The following CUL4B variants were observed in gnomAD, a reference collection of about 807,000 sequenced individuals.
CUL4B encodes the protein cullin-4B.
In CUL4B, 1 loss-of-function variant was observed where a neutral mutation model predicts 69.2. That is an observed-to-expected ratio of 0.01 (90% CI 0.01 to 0.07). The LOEUF is 0.07. Among genes scored for constraint, CUL4B ranks in the 10% least tolerant of loss-of-function variants. CUL4B has a pLI of 1.00. For missense variants in CUL4B, 328 were observed against 638.8 expected, an observed-to-expected ratio of 0.51 and a Z score of 5.24; for synonymous variants, 237 against 223.2, an observed-to-expected ratio of 1.06 and a Z score of -0.55.
chrX:120,551,852 G>T lies in CUL4B; in HGVS notation c.673-4613C>A, dbSNP rs183097025. On this transcript the variant is annotated intron_variant, in intron 2 of 19. Coordinates refer to ENST00000371322, the MANE Select transcript of CUL4B (RefSeq NM_001079872.2). ...ACTAAGTGCTTTCCATAACCCCAAG[G>T]TATCAGTCCAGTTTTGGACACAGTA... 9.9e-5 allele frequency among the ~76,000 whole-genome samples: 11 copies of T among 111,158 alleles called. No individual in the cohort carries two copies. The East Asian group carries it at 3.1e-3, about 31-fold the overall frequency.
intron 18 of CUL4B, 62 bp downstream of exon 18, chrX:120,532,360 A>G (rs1923369411): frequency 7.7e-6 from 7 of 909,297 alleles, no homozygotes; most frequent in Middle Eastern, 3.7e-4. Flanking sequence ...ATCTTTATAT[A>G]TTTTGATTAT....
rs191126833 is a variant in CUL4B at position 120,526,666 on chromosome X, T to C, written c.*95A>G. 1.8e-6 allele frequency: 1 copy of C among 559,352 alleles called. No individual in the cohort carries two copies. The highest frequency in any genetic ancestry group is 2.3e-5 in the African/African-American group (1 of 44,322). 46.1% of individuals were successfully genotyped at this position (559,352 alleles called of 1,213,427 possible). On this transcript the variant is annotated 3_prime_UTR_variant, in exon 20 of 20. Transcript: ENST00000371322. ...TTAATTACACTGCTTCATTTGGTCA[T>C]CGGTAGTAAAAAAGGAGTCAAATAA...
intron 9 of CUL4B, 41 bp downstream of exon 9, chrX:120,542,925 C>T (rs1446272811): frequency 9.9e-7 from 1 of 1,006,863 alleles, no homozygotes; most frequent in African/African-American, 1.9e-5. Context: ...TTTGCCACTA[C>T]CATTTAAAAA....
chrX:120,557,186 C>T (rs1413246973), intron 2 of CUL4B, among the ~76,000 whole-genome samples: 1 of 111,574 alleles, frequency 9.0e-6, no homozygotes, highest in East Asian at 2.8e-4. Flanking sequence ...GCTGGGATTA[C>T]AGGTGTGAGC....
At chrX:120,533,028 T>C (rs937333245) in intron 17 of CUL4B, among the ~76,000 whole-genome samples, 3 of 112,598 alleles carry the variant, frequency 2.7e-5, no homozygotes, top group Non-Finnish European at 3.7e-5. Flanking sequence ...CTATCAACTG[T>C]AGTTACGTCC....
chrX:120,534,943 A>G (rs1923565514), intron 16 of CUL4B, among the ~76,000 whole-genome samples: 4 of 112,203 alleles, frequency 3.6e-5, no homozygotes, highest in African/African-American at 1.3e-4. Flanking sequence ...TTAGTCATGA[A>G]AAGCTAAAGT....
chrX:120,536,243 A>G (rs1475689248), intron 15 of CUL4B, among the ~76,000 whole-genome samples: 3 of 112,665 alleles, frequency 2.7e-5, no homozygotes, highest in Non-Finnish European at 5.6e-5. Context: ...TTGCTTCTGC[A>G]TTGGTTTCCT....
intron 2 of CUL4B, among the ~76,000 whole-genome samples, chrX:120,548,046 C>T (rs1233943048): frequency 9.0e-6 from 1 of 110,623 alleles, no homozygotes; most frequent in Non-Finnish European, 1.9e-5. Flanking sequence ...CCTACTAGTT[C>T]TGTAGTTCTG....
chrX:120,530,608 G>A (rs1245733520), intron 18 of CUL4B, among the ~76,000 whole-genome samples: 1 of 112,171 alleles, frequency 8.9e-6, no homozygotes, highest in African/African-American at 3.2e-5. Context: ...TCAATGGATT[G>A]TTAACCAGAT....
chrX:120,554,261 T>C (rs1240520171), intron 2 of CUL4B, among the ~76,000 whole-genome samples: 3 of 112,191 alleles, frequency 2.7e-5, no homozygotes, highest in Non-Finnish European at 5.6e-5. Context: ...TCTCACCATC[T>C]TGTAAATGAG....
intron 2 of CUL4B, among the ~76,000 whole-genome samples, chrX:120,554,686 A>G: frequency 8.9e-6 from 1 of 112,416 alleles, no homozygotes; most frequent in Non-Finnish European, 1.9e-5. Context: ...TTCTAAGCAG[A>G]TATATGCCAG....
Position 120,560,782 on chromosome X carries a change from AG to A in CUL4B, c.-145del, listed in dbSNP as rs770054334. 82 of 174,314 alleles carry A rather than the reference AG, an allele frequency of 4.7e-4. No homozygotes were observed. Among genetic ancestry groups the A allele is most frequent in the East Asian group, 1.4e-3 (4 of 2,910 alleles). 14.4% of individuals were successfully genotyped at this position (174,314 alleles called of 1,213,427 possible). ...ACACAGAGGACGAGAAGGAAAGTGA[AG>A]GGGGGGGCTACACCGGGGGAATGGG... On this transcript the variant is annotated 5_prime_UTR_variant, in exon 1 of 20. Transcript: ENST00000371322.
At chrX:120,537,165 T>C in intron 14 of CUL4B, 131 bp from the exon 15 acceptor site, 1 of 511,553 alleles carries the variant, frequency 2.0e-6, no homozygotes, top group Non-Finnish European at 3.4e-6. Context: ...AAAAGGCAAC[T>C]ATTAAGAAGA....
At chrX:120,561,271 C>G (rs1162029514), upstream of CUL4B, 1 of 523,476 alleles carries the variant, frequency 1.9e-6, no homozygotes, top group African/African-American at 2.3e-5. Context: ...CTCCCCTTCG[C>G]GATCCCCTTT....
chrX:120,566,345 GTA>G (rs537274243), upstream of CUL4B, among the ~76,000 whole-genome samples: 2,469 of 40,418 alleles, frequency 0.061, 69 homozygotes, highest in Middle Eastern at 0.077. Flanking sequence ...GTGTGTATAG[GTA>G]TATATATATA....
downstream of CUL4B, among the ~76,000 whole-genome samples, chrX:120,566,823 G>C (rs1195926048): frequency 9.0e-6 from 1 of 111,490 alleles, no homozygotes; most frequent in African/African-American, 3.3e-5. Flanking sequence ...TGAACCATCT[G>C]GAAAGCAGAT....
Position 120,560,792 on chromosome X carries a change from T to A in CUL4B, c.-154A>T. 3 of 130,523 alleles carry A rather than the reference T, an allele frequency of 2.3e-5. No individual in the cohort carries two copies. The highest frequency in any genetic ancestry group is 2.3e-5 in the Non-Finnish European group (2 of 85,492). The allele number at this position is 130,523 out of a possible 1,213,427, so 10.8% of individuals were successfully genotyped here. On this transcript the variant is annotated 5_prime_UTR_variant, in exon 1 of 20. Transcript: ENST00000371322. ...CGAGAAGGAAAGTGAAGGGGGGGGC[T>A]ACACCGGGGGAATGGGAGGGTTTGG...
At chrX:120,532,681 C>T (rs1458514612) in intron 17 of CUL4B, 87 bp from the exon 18 acceptor site, 8 of 822,503 alleles carry the variant, frequency 9.7e-6, no homozygotes, top group East Asian at 6.3e-5. Flanking sequence ...CTCCATCCCC[C>T]TATTAAAACT....
intron 6 of CUL4B, 37 bp downstream of exon 6, chrX:120,544,444 A>G: frequency 1.7e-6 from 2 of 1,196,368 alleles, no homozygotes; most frequent in Non-Finnish European, 2.3e-6. Context: ...CTAGGATAGC[A>G]ATCAGCTCTG....
Sources: gnomAD v4.1 joint callset for allele counts (sites outside exome capture counted in the v4.1 genomes callset) on GRCh38, gnomAD v4.1.1 for gene constraint, MANE v1.5 for transcripts, NCBI Gene and HGNC (gene_info 2026-07-23, HGNC 2026-07-21) for gene names.